SPTLC1: variants seen among roughly 807,000 people sequenced by gnomAD.
The protein encoded by SPTLC1 is serine palmitoyltransferase long chain base subunit 1.
In SPTLC1, 55 loss-of-function variants were observed where a neutral mutation model predicts 68.9. That is an observed-to-expected ratio of 0.80 (90% CI 0.64 to 1.00). SPTLC1 has a LOEUF of 1.00. Ranked by LOEUF, SPTLC1 falls within the 50% of genes least tolerant of loss-of-function variation. The probability of loss-of-function intolerance (pLI) is 0.00; values close to 1 mark genes in which losing one functional copy is unlikely to be tolerated. For synonymous variants in SPTLC1, 197 were observed against 201.6 expected (o/e 0.98, Z 0.19); for missense variants, 449 against 573.1 (o/e 0.78, Z 2.21).
At chr9:92,100,484 C>T (rs1835707112) in intron 3 of SPTLC1, among the ~76,000 whole-genome samples, 1 of 152,214 alleles carries the variant, frequency 6.6e-6, no homozygotes, top group Non-Finnish European at 1.5e-5. Context: ...AGAGGTTTGC[C>T]TTCCACATCC....
intron 1 of SPTLC1, chr9:92,114,993 T>G: frequency 2.2e-6 from 1 of 449,802 alleles, no homozygotes; most frequent in East Asian, 4.3e-5. Flanking sequence ...CACCACTCCG[T>G]TTTATCGTCC....
intron 8 of SPTLC1, among the ~76,000 whole-genome samples, chr9:92,053,115 A>T (rs1215965652): frequency 6.8e-6 from 1 of 146,988 alleles, no homozygotes; most frequent in Non-Finnish European, 1.5e-5. Flanking sequence ...ACGCATGGCC[A>T]AACAAACAAA....
intron 1 of SPTLC1, 21 bp downstream of exon 1, chr9:92,115,293 C>G (rs745519733): frequency 1.2e-6 from 2 of 1,611,182 alleles, no homozygotes; most frequent in African/African-American, 2.7e-5. Context: ...GGTCGCGGAC[C>G]GCTAATGGCG....
chr9:92,057,508 AAAAAC>A (rs1347154465), intron 7 of SPTLC1, among the ~76,000 whole-genome samples: 1 of 152,218 alleles, frequency 6.6e-6, no homozygotes, highest in Non-Finnish European at 1.5e-5. Flanking sequence ...TATTACTATT[AAAAAC>A]ATGCCCTAAT....
rs1437613465 is a variant in SPTLC1 at position 92,080,929 on chromosome 9, C to A, written c.295G>T (p.Glu99Ter). The change falls in exon 4 of 15, where the codon GAA (glutamate) becomes TAA (stop). Residue 99 changes from glutamate (E) to a stop codon, truncating the protein, a stop_gained. Transcript: ENST00000262554. LOFTEE classifies it high-confidence loss of function. Reference protein sequence around the residue: ...PSHKTVVNGKECINFASFNFL... With the variant: ...PSHKTVVNGK ...TTAAATGAGGCGAAGTTTATACATT[C>A]TTTTCCATTCACCACAGTTTTGTGG... 2 of 1,614,156 alleles carry A rather than the reference C, an allele frequency of 1.2e-6. No individual in the cohort carries two copies. The highest frequency in any genetic ancestry group is 1.3e-5 in the African/African-American group (1 of 75,056).
intron 11 of SPTLC1, chr9:92,046,432 T>C (rs1193537227): frequency 5.1e-6 from 1 of 196,758 alleles, no homozygotes; most frequent in Non-Finnish European, 1.0e-5. Context: ...AATCTTTTCT[T>C]GATATTTTCC....
chr9:92,075,218 C>T (rs1834641357), intron 5 of SPTLC1, among the ~76,000 whole-genome samples: 2 of 152,170 alleles, frequency 1.3e-5, no homozygotes, highest in African/African-American at 4.8e-5. Flanking sequence ...CCTCCACCAA[C>T]ATAGGTGTGC....
intron 6 of SPTLC1, 99 bp from the exon 7 acceptor site, chr9:92,059,407 T>A: frequency 8.2e-7 from 1 of 1,220,586 alleles, no homozygotes; most frequent in Non-Finnish European, 1.2e-6. Context: ...TCACTGATTG[T>A]TAACATGAGC....
chr9:92,049,524 T>C (rs968302506), intron 9 of SPTLC1, among the ~76,000 whole-genome samples: 19 of 152,194 alleles, frequency 1.2e-4, no homozygotes, highest in Admixed American at 3.3e-4. Context: ...CACGCGTAAC[T>C]GTATCTACCT....
intron 6 of SPTLC1, among the ~76,000 whole-genome samples, chr9:92,065,561 T>C (rs941611359): frequency 1.3e-5 from 2 of 152,012 alleles, no homozygotes; most frequent in East Asian, 1.9e-4. Flanking sequence ...AAAGGAAGCA[T>C]AGGAGTTCAC....
chr9:92,061,374 T>A (rs1277954636), intron 6 of SPTLC1, among the ~76,000 whole-genome samples: 1 of 152,170 alleles, frequency 6.6e-6, no homozygotes, highest in Admixed American at 6.5e-5. Flanking sequence ...AGAAAATAAC[T>A]GTCAACCCAG....
intron 9 of SPTLC1, among the ~76,000 whole-genome samples, chr9:92,048,250 G>A (rs78070342): frequency 0.035 from 5,270 of 152,250 alleles, 219 homozygotes; most frequent in Middle Eastern, 0.12. Flanking sequence ...GACCTAATGG[G>A]CTTTGAGTCC....
intron 3 of SPTLC1, among the ~76,000 whole-genome samples, chr9:92,106,323 A>C (rs1335475378): frequency 6.6e-6 from 1 of 151,886 alleles, no homozygotes; most frequent in Non-Finnish European, 1.5e-5. Context: ...AAAATACAAA[A>C]ATTAGGCAGG....
At chr9:92,063,493 C>T (rs542400567) in intron 6 of SPTLC1, among the ~76,000 whole-genome samples, 26 of 152,128 alleles carry the variant, frequency 1.7e-4, no homozygotes, top group African/African-American at 4.8e-4. Context: ...GAAGATAGAA[C>T]GCTTCCCAAT....
intron 3 of SPTLC1, among the ~76,000 whole-genome samples, chr9:92,103,043 C>A (rs1428006216): frequency 1.3e-5 from 2 of 152,232 alleles, no homozygotes; most frequent in Non-Finnish European, 2.9e-5. Context: ...ATATATTGAT[C>A]TACTATGAAC....
Position 92,046,338 on chromosome 9 carries a change from AG to A in SPTLC1, c.1082-286del. ...TCTCATCAAGATCCTAATCTGGCTAAGAATCAAAGGGTACAAATTTATTGCT... is the reference window on the plus strand; with the variant it reads ...TCTCATCAAGATCCTAATCTGGCTAAAATCAAAGGGTACAAATTTATTGCT... On this transcript the variant is annotated intron_variant, in intron 11 of 14. Transcript: ENST00000262554. The A allele has an allele frequency of 7.6e-6, 3 of 393,978 alleles. No homozygotes were observed. In the South Asian group the frequency reaches 1.5e-4, roughly 19 times the overall value. The allele number at this position is 393,978 out of a possible 1,614,324, so 24.4% of individuals were successfully genotyped here. A position where few individuals can be genotyped will look rare whatever the true frequency, so the allele number is the denominator to read the frequency against.
intron 5 of SPTLC1, among the ~76,000 whole-genome samples, chr9:92,074,292 C>T (rs1834599492): frequency 6.6e-6 from 1 of 152,072 alleles, no homozygotes; most frequent in Non-Finnish European, 1.5e-5. Context: ...CCCCTTAAAA[C>T]TCCCCAACTC....
In SPTLC1 at chr9:92,034,807, G is replaced by C; in HGVS notation, c.1328+3C>G. 6.2e-7 allele frequency: 1 copy of C among 1,612,636 alleles called. No homozygotes were observed. The highest frequency in any genetic ancestry group is 8.5e-7 in the Non-Finnish European group (1 of 1,179,494). Reference sequence around the variant, plus strand: ...ATAAGGTCATATTTTAACGTCAACTGACCTGGGAGGAGGGAGACACTTCTC... The same window carrying C: ...ATAAGGTCATATTTTAACGTCAACTCACCTGGGAGGAGGGAGACACTTCTC... On this transcript the variant is annotated splice_donor_region_variant and intron_variant, in intron 14 of 14. Transcript: ENST00000262554.
intron 3 of SPTLC1, among the ~76,000 whole-genome samples, chr9:92,088,218 C>A (rs111305002): frequency 0.051 from 7,672 of 151,808 alleles, 262 homozygotes; most frequent in Middle Eastern, 0.065. Context: ...CAATGCCTCA[C>A]CCTGCTTCAG....
Sources: gnomAD v4.1 joint callset for allele counts (sites outside exome capture counted in the v4.1 genomes callset) on GRCh38, gnomAD v4.1.1 for gene constraint, MANE v1.5 for transcripts, NCBI Gene and HGNC (gene_info 2026-07-23, HGNC 2026-07-21) for gene names.